The following PELI2 variants were observed in gnomAD, a reference collection of about 807,000 sequenced individuals.
PELI2 encodes pellino E3 ubiquitin protein ligase family member 2.
Under a neutral mutation model 42.3 loss-of-function variants are expected in PELI2, and 23 were observed. The ratio of observed to expected loss-of-function variants is 0.54; its 90% CI spans 0.39 to 0.77. The LOEUF (loss-of-function observed/expected upper bound fraction) is 0.77. Among genes scored for constraint, PELI2 ranks in the 30% least tolerant of loss-of-function variants. The pLI is 0.00. For missense variants in PELI2, 463 were observed against 553.2 expected, an observed-to-expected ratio of 0.84 and a Z score of 1.64; for synonymous variants, 245 against 212.2, an observed-to-expected ratio of 1.15 and a Z score of -1.34.
At chr14:56,204,646 T>C (rs1886449795) in intron 2 of PELI2, among the ~76,000 whole-genome samples, 1 of 151,766 alleles carries the variant, frequency 6.6e-6, no homozygotes, top group African/African-American at 2.4e-5. Context: ...TTCATAAAGA[T>C]GGTGTTTGGA....
At chr14:56,201,754 C>G (rs1594634123) in intron 2 of PELI2, among the ~76,000 whole-genome samples, 1 of 152,290 alleles carries the variant, frequency 6.6e-6, no homozygotes, top group East Asian at 1.9e-4. Flanking sequence ...AATAATTCAG[C>G]AAGCTAACTA....
chr14:56,233,838 A>G (rs1447443168), intron 2 of PELI2, among the ~76,000 whole-genome samples: 1 of 152,164 alleles, frequency 6.6e-6, no homozygotes. Context: ...ATGGGAGAAA[A>G]TTTTTGCAAT....
intron 2 of PELI2, among the ~76,000 whole-genome samples, chr14:56,234,754 TAAA>T (rs768907023): frequency 1.4e-4 from 21 of 152,234 alleles, no homozygotes; most frequent in African/African-American, 3.9e-4. Context: ...GTATTTTTTT[TAAA>T]AAATGTAAAA....
chr14:56,248,436 T>TA (rs1478895101), intron 2 of PELI2, among the ~76,000 whole-genome samples: 8 of 151,998 alleles, frequency 5.3e-5, no homozygotes, highest in African/African-American at 1.9e-4. Context: ...AAAGAAGCGA[T>TA]ACATCCCGAT....
chr14:56,152,581 A>T (rs990005534), intron 1 of PELI2, among the ~76,000 whole-genome samples: 1 of 152,118 alleles, frequency 6.6e-6, no homozygotes, highest in African/African-American at 2.4e-5. Context: ...TTAAGCTCTA[A>T]GTCTGTCCTG....
chr14:56,297,391 A>G lies in PELI2; in HGVS notation c.*225A>G. ...TCGTCATTGAAGTCTGCTTGATTAAACCATAATATCTTTGTAATAATTGGA... is the reference window on the plus strand; with the variant it reads ...TCGTCATTGAAGTCTGCTTGATTAAGCCATAATATCTTTGTAATAATTGGA... On this transcript the variant is annotated 3_prime_UTR_variant, in exon 6 of 6. Transcript: ENST00000267460. The G allele has an allele frequency of 2.1e-6, 1 of 467,088 alleles. No homozygotes were observed. The highest frequency in any genetic ancestry group is 3.8e-6 in the Non-Finnish European group (1 of 264,108). The allele number at this position is 467,088 out of a possible 1,614,324, so 28.9% of individuals were successfully genotyped here.
intron 2 of PELI2, among the ~76,000 whole-genome samples, chr14:56,272,179 C>T (rs1889130254): frequency 6.6e-6 from 1 of 152,198 alleles, no homozygotes. Flanking sequence ...GGCCCAGGAA[C>T]AATAACTGCA....
Position 56,214,927 on chromosome 14 carries a change from A to T in PELI2, c.207+36463A>T, listed in dbSNP as rs186088043. ...CGTTGACAGAGGAGCATTGCGGACC[A>T]GCAGGTGACTGCATAGGCTTCATAC... is the stretch of plus-strand genomic sequence containing the variant. On this transcript the variant is annotated intron_variant, in intron 2 of 5. Coordinates refer to ENST00000267460, the MANE Select transcript of PELI2 (RefSeq NM_021255.3). Among the ~76,000 whole-genome samples, 408 of 152,356 alleles carry T rather than the reference A, an allele frequency of 2.7e-3. 3 individuals carry two copies. Among genetic ancestry groups the T allele is most frequent in the African/African-American group, 8.2e-3 (342 of 41,584 alleles).
chr14:56,148,645 C>G (rs1283404930), intron 1 of PELI2, among the ~76,000 whole-genome samples: 1 of 152,208 alleles, frequency 6.6e-6, no homozygotes, highest in Non-Finnish European at 1.5e-5. Flanking sequence ...GAAACCTTCC[C>G]ACACACCTTT....
At chr14:56,244,249 A>G (rs1566660994) in intron 2 of PELI2, among the ~76,000 whole-genome samples, 1 of 152,240 alleles carries the variant, frequency 6.6e-6, no homozygotes. Flanking sequence ...AAACATATTC[A>G]AAAGGAAAGA....
At chr14:56,200,305 A>G (rs1267792397) in intron 2 of PELI2, among the ~76,000 whole-genome samples, 1 of 152,232 alleles carries the variant, frequency 6.6e-6, no homozygotes, top group Non-Finnish European at 1.5e-5. Flanking sequence ...AGCACTTTGC[A>G]TATTTTTTTT....
intron 2 of PELI2, among the ~76,000 whole-genome samples, chr14:56,181,837 G>C (rs973111295): frequency 2.9e-5 from 4 of 137,166 alleles, no homozygotes; most frequent in Non-Finnish European, 6.0e-5. Context: ...CTCTGATTAT[G>C]TAATGTGTGT....
chr14:56,201,492 G>A (rs1886330219), intron 2 of PELI2, among the ~76,000 whole-genome samples: 1 of 152,132 alleles, frequency 6.6e-6, no homozygotes, highest in Non-Finnish European at 1.5e-5. Flanking sequence ...ATGTGTCTGT[G>A]TACAGAGAAT....
intron 2 of PELI2, among the ~76,000 whole-genome samples, chr14:56,195,540 G>C (rs928653482): frequency 2.6e-5 from 4 of 152,224 alleles, no homozygotes; most frequent in Non-Finnish European, 4.4e-5. Flanking sequence ...CAGAATTGCT[G>C]TGTGGAAGGC....
At chr14:56,228,558 C>A (rs1887443462) in intron 2 of PELI2, among the ~76,000 whole-genome samples, 1 of 152,132 alleles carries the variant, frequency 6.6e-6, no homozygotes, top group South Asian at 2.1e-4. Flanking sequence ...CGATTATAAA[C>A]TTAACATTTT....
chr14:56,179,893 C>T (rs955286238), intron 2 of PELI2, among the ~76,000 whole-genome samples: 3 of 151,936 alleles, frequency 2.0e-5, no homozygotes, highest in African/African-American at 4.8e-5. Flanking sequence ...ATCTTGGGTT[C>T]GTGTTAATAC....
intron 2 of PELI2, among the ~76,000 whole-genome samples, chr14:56,253,314 C>A (rs999492602): frequency 3.9e-5 from 6 of 152,196 alleles, no homozygotes; most frequent in African/African-American, 1.4e-4. Context: ...CTTCTCTCAC[C>A]AGTCCTATTC....
chr14:56,141,437 T>C lies in PELI2; in HGVS notation c.77+22700T>C, dbSNP rs532482560. Among the ~76,000 whole-genome samples the C allele has an allele frequency of 1.8e-4, 28 of 152,162 alleles. 1 individual carries two copies. In the South Asian group the frequency reaches 5.6e-3, roughly 31 times the overall value. On this transcript the variant is annotated intron_variant, in intron 1 of 5. Coordinates refer to ENST00000267460, the MANE Select transcript of PELI2 (RefSeq NM_021255.3). ...ATCTTTTCGTCTTTGGTCTGTTAGG[T>C]TTTTTCTGAGGTGGAATTTGCCTCA... is the stretch of plus-strand genomic sequence containing the variant.
At chr14:56,248,884 C>G (rs897389459) in intron 2 of PELI2, among the ~76,000 whole-genome samples, 1 of 152,044 alleles carries the variant, frequency 6.6e-6, no homozygotes, top group East Asian at 1.9e-4. Flanking sequence ...TGCCATGCCA[C>G]TTGTAGAGGA....
Sources: gnomAD v4.1 joint callset for allele counts (sites outside exome capture counted in the v4.1 genomes callset) on GRCh38, gnomAD v4.1.1 for gene constraint, MANE v1.5 for transcripts, NCBI Gene and HGNC (gene_info 2026-07-23, HGNC 2026-07-21) for gene names.